Variants in CDK20 observed in about 807,000 individuals in gnomAD.
CDK20 encodes the protein cyclin-dependent kinase 20.
CDK20 carries 40 observed loss-of-function variants against 38.6 expected under a neutral mutation model. The ratio of observed to expected loss-of-function variants is 1.04; its 90% CI spans 0.81 to 1.35. The LOEUF is 1.35. Ranked by LOEUF, CDK20 falls within the 40% of genes most tolerant of loss-of-function variation. CDK20 has a pLI of 0.00. For synonymous variants in CDK20, 209 were observed against 185.7 expected (o/e 1.13, Z -1.02); for missense variants, 512 against 452.6 (o/e 1.13, Z -1.19).
chr9:87,970,815 G>GGGGAAAAGACTCGAGCCA lies in CDK20; in HGVS notation c.443_460dup (p.Leu148_Ser153dup). ...GTGTGTGTAGAGGCGGCTGCCGTCT[G>GGGGAAAAGACTCGAGCCA]GGGAAAAGACTCGAGCCAGGCCAAA... is the stretch of plus-strand genomic sequence containing the variant. On this transcript the variant is annotated inframe_insertion, in exon 4 of 8. Coordinates refer to ENST00000325303, the MANE Select transcript of CDK20 (RefSeq NM_001039803.3). 1 of 1,614,136 alleles carries GGGGAAAAGACTCGAGCCA rather than the reference G, an allele frequency of 6.2e-7. No individual in the cohort carries two copies. The highest frequency in any genetic ancestry group is 8.5e-7 in the Non-Finnish European group (1 of 1,180,030).
rs1412854696 is a variant in CDK20, at chr9:87,967,476, T to G, written c.1027A>C (p.Ile343Leu). The G allele has an allele frequency of 3.9e-6, 6 of 1,554,398 alleles. No individual in the cohort carries two copies. Among genetic ancestry groups the G allele is most frequent in the Non-Finnish European group, 1.7e-6 (2 of 1,148,798 alleles). ...GGGCCAACTTCTCACCCCTCCAGGATGAAGGGCCGAATCAGCTCTGGGTTC... is the reference window on the plus strand; with the variant it reads ...GGGCCAACTTCTCACCCCTCCAGGAGGAAGGGCCGAATCAGCTCTGGGTTC... Reference protein sequence around the residue: ...LLNPELIRPFILEG With the variant: ...LLNPELIRPFLLEG The change falls in exon 8 of 8, where the codon ATC (isoleucine) becomes CTC (leucine). Residue 343 changes from isoleucine to leucine, a missense_variant. Transcript: ENST00000325303.
Position 87,969,308 on chromosome 9 carries a change from C to CTTT in CDK20, c.728_729insAAA (p.Lys243dup). 6.2e-7 allele frequency: 1 copy of CTTT among 1,614,064 alleles called. No individual in the cohort carries two copies. Among genetic ancestry groups the CTTT allele is most frequent in the Non-Finnish European group, 8.5e-7 (1 of 1,179,974 alleles). ...CCTCCAGGGGCATGGGCACCTGCTC[C>CTTT]TTAAAGGAGATCTTGTTGTAGTCCG... On this transcript the variant is annotated inframe_insertion, in exon 7 of 8. Transcript: ENST00000325303.
chr9:87,974,114 T>C (rs1830061121), intron 1 of CDK20, 79 bp from the exon 2 acceptor site: 1 of 1,603,072 alleles, frequency 6.2e-7, no homozygotes, highest in Non-Finnish European at 8.5e-7. Flanking sequence ...GGAAGGTGGT[T>C]GAGAGAGAGA....
At chr9:87,967,722 G>A in intron 7 of CDK20, 63 bp from the exon 8 acceptor site, 3 of 1,380,878 alleles carry the variant, frequency 2.2e-6, no homozygotes, top group Non-Finnish European at 2.9e-6. Context: ...CCAGCCTCAA[G>A]CAGATGTTCC....
chr9:87,969,248 A>C lies in CDK20; in HGVS notation c.789T>G (p.Asp263Glu), dbSNP rs1829675180. ...GGTAGAGAAGGAATTGACCCAGCAGATCCAATGCCTGGGGAGAGACGTCAG... is the reference window on the plus strand; with the variant it reads ...GGTAGAGAAGGAATTGACCCAGCAGCTCCAATGCCTGGGGAGAGACGTCAG... ...VLPDVSPQALDLLGQFLLYPP... is the reference protein window; with the variant it reads ...VLPDVSPQALELLGQFLLYPP... The change falls in exon 7 of 8, where the codon GAT (aspartate) becomes GAG (glutamate). Residue 263 changes from aspartate to glutamate, a missense_variant. By Grantham distance (45) the Asp-to-Glu change is conservative. Coordinates refer to ENST00000325303, the MANE Select transcript of CDK20 (RefSeq NM_001039803.3). 6.2e-7 allele frequency: 1 copy of C among 1,613,962 alleles called. No homozygotes were observed. Among genetic ancestry groups the C allele is most frequent in the African/African-American group, 1.3e-5 (1 of 74,902 alleles).
At chr9:87,969,013 T>G (rs147714929) in intron 7 of CDK20, 181 bp downstream of exon 7, 1 of 670,192 alleles carries the variant, frequency 1.5e-6, no homozygotes, top group Non-Finnish European at 2.5e-6. Flanking sequence ...GGTCTACTCA[T>G]GAGAGGCACA....
chr9:87,971,372 G>T (rs1829850203), intron 2 of CDK20, 37 bp from the exon 3 acceptor site: 1 of 1,573,812 alleles, frequency 6.4e-7, no homozygotes, highest in African/African-American at 1.3e-5. Flanking sequence ...CCAGACTCAA[G>T]TCACCAGACC....
At chr9:87,967,977 G>T (rs1829548115) in intron 7 of CDK20, 1 of 227,804 alleles carries the variant, frequency 4.4e-6, no homozygotes, top group African/African-American at 2.3e-5. Flanking sequence ...CCTGGAGAGA[G>T]GTTGCAGATC....
chr9:87,974,104 G>A (rs779373226), intron 1 of CDK20, 69 bp from the exon 2 acceptor site: 4 of 1,607,382 alleles, frequency 2.5e-6, no homozygotes, highest in South Asian at 1.1e-5. Flanking sequence ...GTGGGTGAGG[G>A]GAAGGTGGTT....
chr9:87,969,499 C>T lies in CDK20; in HGVS notation c.688-150G>A. 5.7e-6 allele frequency: 5 copies of T among 880,148 alleles called. No individual in the cohort carries two copies. The South Asian group carries it at 8.4e-5, about 15-fold the overall frequency. The allele number at this position is 880,148 out of a possible 1,614,324, so 54.5% of individuals were successfully genotyped here. ...CCCTGACCCATCATTCATTCACTCA[C>T]CCACCCCTGTATTCCTTCATCCATC... On this transcript the variant is annotated intron_variant, in intron 6 of 7. Transcript: ENST00000325303.
rs1263687427 is a variant in CDK20, at chr9:87,967,643, T to C, written c.860A>G (p.Tyr287Cys). 19 of 1,485,890 alleles carry C rather than the reference T, an allele frequency of 1.3e-5. No homozygotes were observed. The highest frequency in any genetic ancestry group is 1.5e-5 in the Non-Finnish European group (17 of 1,114,104). The allele number at this position is 1,485,890 out of a possible 1,614,324, so 92.0% of individuals were successfully genotyped here. Residue 287 changes from tyrosine to cysteine, a missense_variant, in exon 8 of 8, where the codon TAC becomes TGC. By Grantham distance (194) the Tyr-to-Cys change is radical. Transcript: ENST00000325303. ...GGCAGGCAGGGGAGCTGTGAAGAAG[T>C]ACTGATGGAGGAGAGCCTGAGGGTG... ...IAASKALLHQYFFTAPLPAHP... is the reference protein window; with the variant it reads ...IAASKALLHQCFFTAPLPAHP...
chr9:87,969,493 C>A, intron 6 of CDK20, 144 bp from the exon 7 acceptor site: 1 of 898,870 alleles, frequency 1.1e-6, no homozygotes, highest in African/African-American at 1.7e-5. Context: ...ATCATTCATT[C>A]ACTCACCCAC....
rs751877021 is a variant in CDK20 at position 87,970,803 on chromosome 9, C to T, written c.473G>A (p.Arg158His). 15 of 1,613,958 alleles carry T rather than the reference C, an allele frequency of 9.3e-6. No individual in the cohort carries two copies. The highest frequency in any genetic ancestry group is 1.3e-5 in the African/African-American group (1 of 74,966). Reference protein sequence around the residue: ...LARVFSPDGSRLYTHQVATRW... With the variant: ...LARVFSPDGSHLYTHQVATRW... Reference sequence around the variant, plus strand: ...GGTGGCCACCTGGTGTGTGTAGAGGCGGCTGCCGTCTGGGGAAAAGACTCG... The same window carrying T: ...GGTGGCCACCTGGTGTGTGTAGAGGTGGCTGCCGTCTGGGGAAAAGACTCG... The change falls in exon 4 of 8, where the codon CGC (arginine) becomes CAC (histidine). Residue 158 changes from arginine (R) to histidine (H), a missense_variant. Coordinates refer to ENST00000325303, the MANE Select transcript of CDK20 (RefSeq NM_001039803.3).
intron 1 of CDK20, 158 bp downstream of exon 1, chr9:87,974,214 T>C: frequency 7.9e-7 from 1 of 1,269,856 alleles, no homozygotes; most frequent in Non-Finnish European, 1.1e-6. Flanking sequence ...AAGCCAGCTG[T>C]GCGGAGGGAA....
At chr9:87,967,701 C>G in intron 7 of CDK20, 42 bp from the exon 8 acceptor site, 9 of 1,431,356 alleles carry the variant, frequency 6.3e-6, no homozygotes, top group Non-Finnish European at 8.3e-6. Flanking sequence ...AAACTAGTCA[C>G]CTCCCTGTCC....
intron 7 of CDK20, chr9:87,968,335 C>G (rs1325619210): frequency 6.6e-6 from 1 of 152,396 alleles, no homozygotes; most frequent in African/African-American, 2.4e-5. Context: ...TTCTGGGAGG[C>G]AACCCAAGAG....
intron 7 of CDK20, 173 bp downstream of exon 7, chr9:87,969,021 A>C (rs569144902): frequency 2.8e-6 from 2 of 711,846 alleles, no homozygotes; most frequent in East Asian, 5.5e-5. Flanking sequence ...CATGAGAGGC[A>C]CACCTGCTCC....
chr9:87,970,359 T>C (rs892250558), intron 5 of CDK20: 4 of 554,108 alleles, frequency 7.2e-6, no homozygotes, highest in Non-Finnish European at 1.3e-5. Flanking sequence ...GGACCACCAT[T>C]CTCATCCCAC....
At chr9:87,969,474 C>G in intron 6 of CDK20, 125 bp from the exon 7 acceptor site, 1 of 1,055,924 alleles carries the variant, frequency 9.5e-7, no homozygotes, top group Non-Finnish European at 1.4e-6. Flanking sequence ...CCATGTGTCT[C>G]CCTGACCCAT....
Sources: allele counts gnomAD v4.1 joint callset, GRCh38; gene constraint gnomAD v4.1.1; transcripts MANE v1.5; gene names NCBI Gene and HGNC (gene_info 2026-07-23, HGNC 2026-07-21).